Variants in ABCB4 observed in about 807,000 individuals in gnomAD.
ABCB4 encodes the protein phosphatidylcholine translocator ABCB4.
A neutral mutation model predicts 145.7 loss-of-function variants in ABCB4; 76 were observed. The ratio of observed to expected loss-of-function variants is 0.52; its 90% CI spans 0.43 to 0.63. The LOEUF (loss-of-function observed/expected upper bound fraction) is 0.63. Among genes scored for constraint, ABCB4 ranks in the 30% least tolerant of loss-of-function variants. The pLI is 0.00. For synonymous variants in ABCB4, 517 were observed against 566.8 expected (o/e 0.91, Z 1.25); for missense variants, 1,234 against 1,553.1 (o/e 0.79, Z 3.45).
At chr7:87,406,776 T>C (rs1808229526) in intron 25 of ABCB4, among the ~76,000 whole-genome samples, 1 of 152,218 alleles carries the variant, frequency 6.6e-6, no homozygotes, top group Non-Finnish European at 1.5e-5. Context: ...CAGCCATCTG[T>C]GTCCTACTCT....
the ABCB4 span, among the ~76,000 whole-genome samples, chr7:87,394,755 C>T: frequency 4.0e-5 from 6 of 151,724 alleles, no homozygotes; most frequent in East Asian, 1.9e-4. Flanking sequence ...CTAGAAAAAG[C>T]GAAGTTATTA....
At chr7:87,383,330 T>C in the ABCB4 span, among the ~76,000 whole-genome samples, 1 of 152,170 alleles carries the variant, frequency 6.6e-6, no homozygotes, top group Admixed American at 6.5e-5. Context: ...TCAATTTTTT[T>C]TAACTCCCAT....
At chr7:87,457,286 T>A (rs1812159437) in intron 4 of ABCB4, among the ~76,000 whole-genome samples, 1 of 152,172 alleles carries the variant, frequency 6.6e-6, no homozygotes, top group Non-Finnish European at 1.5e-5. Context: ...GGCAGGTGCC[T>A]GTAGTCCCAG....
chr7:87,474,338 C>T (rs111924852), intron 2 of ABCB4, among the ~76,000 whole-genome samples: 30 of 152,244 alleles, frequency 2.0e-4, no homozygotes, highest in African/African-American at 7.0e-4. Context: ...GGAAGTAACA[C>T]CATCTATCAC....
In ABCB4 at chr7:87,453,579, C is replaced by G. The variant is rs537728434; in HGVS notation, c.345-444G>C. Among the ~76,000 whole-genome samples, 7 of 150,568 alleles carry G rather than the reference C, an allele frequency of 4.6e-5. No homozygotes were observed. In the East Asian group the frequency reaches 1.4e-3, roughly 30 times the overall value. On this transcript the variant is annotated intron_variant, in intron 5 of 27. Transcript: ENST00000649586. ...ACAAAAACTGTATAGGACATTATAA[C>G]AAACAGACATTACATTTTTCTTTTT... is the stretch of plus-strand genomic sequence containing the variant.
rs1238759073 is a variant in ABCB4 at position 87,454,568 on chromosome 7, T to A, written c.311A>T (p.Asn104Ile). ...TTCTTCTTCCAGAATTTTGCCTGGA[T>A]TTAGCAGCGACAAGGAAAAGTTCAC... The part of the protein sequence containing the change: ...FPVNFSLSLL[N>I]PGKILEEEMT... The change falls in exon 5 of 28, where the codon AAT becomes ATT. Residue 104 changes from asparagine to isoleucine, a missense_variant. By Grantham distance (149) the Asn-to-Ile change is moderately radical. Transcript: ENST00000649586. 1 of 1,611,660 alleles carries A rather than the reference T, an allele frequency of 6.2e-7. No homozygotes were observed. Among genetic ancestry groups the A allele is most frequent in the Non-Finnish European group, 8.5e-7 (1 of 1,178,506 alleles).
At chr7:87,395,960 A>G in the ABCB4 span, among the ~76,000 whole-genome samples, 4 of 152,210 alleles carry the variant, frequency 2.6e-5, no homozygotes, top group Non-Finnish European at 5.9e-5. Flanking sequence ...TGAAGATGCC[A>G]TTGTTGTTAA....
chr7:87,382,547 A>G, the ABCB4 span: 1 of 1,606,388 alleles, frequency 6.2e-7, no homozygotes, highest in Non-Finnish European at 8.5e-7. Flanking sequence ...ATGGACAGTA[A>G]GGACCATTCA....
Position 87,417,713 on chromosome 7 carries a change from C to T in ABCB4, c.2479-198G>A, listed in dbSNP as rs547776833. On this transcript the variant is annotated intron_variant, in intron 20 of 27. Transcript: ENST00000649586. ...TTTCTTCATTGTGCCTTTACACTCT[C>T]ATTCCTCTCCTGCCCACCTGAACCA... Among the ~76,000 whole-genome samples the T allele has an allele frequency of 2.6e-5, 4 of 152,346 alleles. No individual in the cohort carries two copies. In the South Asian group the frequency reaches 8.3e-4, roughly 32 times the overall value.
At chr7:87,396,274 T>G in the ABCB4 span, among the ~76,000 whole-genome samples, 2 of 152,000 alleles carry the variant, frequency 1.3e-5, no homozygotes, top group African/African-American at 4.8e-5. Flanking sequence ...ATTAAAAAAT[T>G]TGAAAAATCA....
rs8187798 is a variant in ABCB4, at chr7:87,431,398, A to G, written c.1893+6T>C. On this transcript the variant is annotated splice_donor_region_variant and intron_variant, in intron 15 of 27. Coordinates refer to ENST00000649586, the MANE Select transcript of ABCB4 (RefSeq NM_000443.4). ...ATAGCAGAAAAAATTCCTGAAAAGC[A>G]AGTACCTGCATGTTGACAAGTTTGA... is the stretch of plus-strand genomic sequence containing the variant. The G allele has an allele frequency of 2.7e-3, 4,380 of 1,614,036 alleles. 11 individuals are homozygous for G. Among genetic ancestry groups the G allele is most frequent in the South Asian group, 3.1e-3 (284 of 91,074 alleles).
At chr7:87,392,053 A>G in the ABCB4 span, among the ~76,000 whole-genome samples, 1 of 152,188 alleles carries the variant, frequency 6.6e-6, no homozygotes, top group Admixed American at 6.6e-5. Context: ...ATGTGGTTGA[A>G]TGTTTTTGAA....
chr7:87,389,320 A>G, the ABCB4 span, among the ~76,000 whole-genome samples: 1 of 152,334 alleles, frequency 6.6e-6, no homozygotes, highest in East Asian at 1.9e-4. Context: ...AGATACATGC[A>G]CACATATGTA....
chr7:87,448,812 T>C (rs1045964575), intron 8 of ABCB4: 20 of 152,154 alleles, frequency 1.3e-4, no homozygotes, highest in African/African-American at 3.9e-4. Context: ...AGTAGAAAAT[T>C]AAATGGGGGG....
At chr7:87,469,618 A>G (rs1584796898) in intron 3 of ABCB4, among the ~76,000 whole-genome samples, 3 of 152,368 alleles carry the variant, frequency 2.0e-5, no homozygotes, top group Admixed American at 2.0e-4. Flanking sequence ...CCCATTCACA[A>G]TTGCTTCAAA....
At chr7:87,384,678 C>A in the ABCB4 span, among the ~76,000 whole-genome samples, 1 of 152,238 alleles carries the variant, frequency 6.6e-6, no homozygotes, top group African/African-American at 2.4e-5. Context: ...CTGTGGGCTG[C>A]TGATTGTTTC....
At chr7:87,475,321 C>T in intron 2 of ABCB4, 65 bp downstream of exon 2, 8 of 1,592,892 alleles carry the variant, frequency 5.0e-6, no homozygotes, top group Non-Finnish European at 6.9e-6. Flanking sequence ...AACTTCTTTC[C>T]AAGGGTGAAC....
the ABCB4 span, among the ~76,000 whole-genome samples, chr7:87,394,727 A>T: frequency 3.3e-5 from 5 of 152,134 alleles, no homozygotes; most frequent in Admixed American, 1.3e-4. Context: ...AGGCATACCT[A>T]TAGACTCTAC....
At chr7:87,377,905 G>C in the ABCB4 span, among the ~76,000 whole-genome samples, 1 of 152,066 alleles carries the variant, frequency 6.6e-6, no homozygotes, top group South Asian at 2.1e-4. Context: ...TAAAATGGCA[G>C]TTACTACCAT....
Sources: gnomAD v4.1 joint callset for allele counts (sites outside exome capture counted in the v4.1 genomes callset) on GRCh38, gnomAD v4.1.1 for gene constraint, MANE v1.5 for transcripts, NCBI Gene and HGNC (gene_info 2026-07-23, HGNC 2026-07-21) for gene names.